Variants in UBAP2 observed in about 807,000 individuals in gnomAD.
UBAP2 encodes ubiquitin associated protein 2.
A neutral mutation model predicts 139.6 loss-of-function variants in UBAP2; 75 were observed. The observed-to-expected ratio is 0.54, with a 90% CI of 0.45 to 0.65. The LOEUF is 0.65. UBAP2 is among the 30% of genes least tolerant of loss of function. The pLI, the probability that UBAP2 is intolerant of heterozygous loss-of-function variation, is 0.00. For missense variants in UBAP2, 1,368 were observed against 1,369.6 expected, an observed-to-expected ratio of 1.00 and a Z score of 0.02; for synonymous variants, 526 against 526.2, an observed-to-expected ratio of 1.00 and a Z score of 0.01.
At chr9:34,040,379 C>A (rs1221860525) in intron 1 of UBAP2, among the ~76,000 whole-genome samples, 1 of 146,650 alleles carries the variant, frequency 6.8e-6, no homozygotes, top group Non-Finnish European at 1.5e-5. Flanking sequence ...GGCCAGCCAA[C>A]TAGAAGACTA....
chr9:33,992,002 C>T (rs1430146403), intron 4 of UBAP2, among the ~76,000 whole-genome samples: 2 of 152,110 alleles, frequency 1.3e-5, no homozygotes, highest in Admixed American at 1.3e-4. Context: ...ACCTGTAATC[C>T]CAGCACTTTG....
chr9:33,996,403 A>C, intron 3 of UBAP2, 70 bp from the exon 4 acceptor site: 1 of 987,104 alleles, frequency 1.0e-6, no homozygotes, highest in Non-Finnish European at 1.6e-6. Context: ...ATTCTTCTAT[A>C]CAAATACAGA....
At chr9:33,935,555 C>T (rs1002081745) in intron 17 of UBAP2, 1 of 433,548 alleles carries the variant, frequency 2.3e-6, no homozygotes, top group African/African-American at 2.1e-5. Flanking sequence ...GCATCAGCCA[C>T]CCCGCCTGGC....
Position 33,944,488 on chromosome 9 carries a change from G to C in UBAP2, c.1422C>G (p.Pro474=). 1 of 1,614,112 alleles carries C rather than the reference G, an allele frequency of 6.2e-7. No individual in the cohort carries two copies. The highest frequency in any genetic ancestry group is 8.5e-7 in the Non-Finnish European group (1 of 1,180,042). Residue 474 remains proline (P), a synonymous_variant, in exon 14 of 29, where the codon CCC becomes CCG. Transcript: ENST00000379238. ...KLRESTPGDS[P]STVNKLLQLP... ...GCTGCAAAAGCTTGTTCACAGTGGAGGGACTGTCTCCAGGTGTTGATTCTC... is the reference window on the plus strand; with the variant it reads ...GCTGCAAAAGCTTGTTCACAGTGGACGGACTGTCTCCAGGTGTTGATTCTC...
intron 19 of UBAP2, among the ~76,000 whole-genome samples, chr9:33,931,085 A>G (rs749061538): frequency 6.6e-6 from 1 of 152,202 alleles, no homozygotes; most frequent in Admixed American, 6.5e-5. Context: ...ATGAACAAAC[A>G]GTTGACCCCT....
chr9:33,943,838 AG>A (rs1825438408), intron 14 of UBAP2, among the ~76,000 whole-genome samples: 1 of 152,164 alleles, frequency 6.6e-6, no homozygotes, highest in Admixed American at 6.6e-5. Flanking sequence ...AGGCCAAGAC[AG>A]GAGGATCATT....
chr9:34,048,615 C>T (rs1435749649), intron 1 of UBAP2, among the ~76,000 whole-genome samples: 3 of 151,986 alleles, frequency 2.0e-5, no homozygotes, highest in African/African-American at 4.8e-5. Context: ...CACAGGGCAA[C>T]GTGAGGGGAA....
chr9:33,932,816 G>A (rs1360046900), intron 18 of UBAP2, among the ~76,000 whole-genome samples, 188 bp from the exon 19 acceptor site: 2 of 152,188 alleles, frequency 1.3e-5, no homozygotes, highest in African/African-American at 2.4e-5. Context: ...GGAATGACTC[G>A]CCATGAGGTC....
chr9:33,972,849 G>T (rs958759770), intron 7 of UBAP2, among the ~76,000 whole-genome samples: 6 of 152,080 alleles, frequency 3.9e-5, no homozygotes, highest in Non-Finnish European at 5.9e-5. Flanking sequence ...TAGGTATTTT[G>T]TCACAACTTC....
chr9:33,985,340 G>A (rs1365737349), intron 6 of UBAP2, among the ~76,000 whole-genome samples: 3 of 152,126 alleles, frequency 2.0e-5, no homozygotes, highest in South Asian at 4.1e-4. Context: ...TATGTGTTGG[G>A]AACTTTTCAA....
intron 22 of UBAP2, 83 bp downstream of exon 22, chr9:33,926,534 G>C: frequency 6.8e-7 from 1 of 1,477,644 alleles, no homozygotes; most frequent in Non-Finnish European, 9.5e-7. Flanking sequence ...AAGGGCCAGA[G>C]AGTGTGGCAG....
At chr9:33,940,275 G>C (rs1447649459) in intron 16 of UBAP2, among the ~76,000 whole-genome samples, 1 of 152,036 alleles carries the variant, frequency 6.6e-6, no homozygotes, top group Non-Finnish European at 1.5e-5. Flanking sequence ...CAAGTAAGAT[G>C]CTGCAAATGT....
chr9:33,973,518 T>G (rs922443795), intron 6 of UBAP2, among the ~76,000 whole-genome samples: 1 of 152,230 alleles, frequency 6.6e-6, no homozygotes, highest in African/African-American at 2.4e-5. Flanking sequence ...ACAGTCTGCA[T>G]CTTTTAAAAT....
chr9:33,954,460 TA>T (rs1826383165), intron 11 of UBAP2, among the ~76,000 whole-genome samples: 1 of 152,146 alleles, frequency 6.6e-6, no homozygotes, highest in Admixed American at 6.5e-5. Context: ...AACTCTTTTC[TA>T]AACTTACCTA....
intron 1 of UBAP2, among the ~76,000 whole-genome samples, chr9:34,036,765 T>A (rs139578711): frequency 6.6e-6 from 1 of 152,014 alleles, no homozygotes; most frequent in East Asian, 1.9e-4. Context: ...AAACTTAGCA[T>A]TCACAGAAAT....
chr9:33,966,542 T>C (rs569207291), intron 8 of UBAP2, among the ~76,000 whole-genome samples: 2 of 152,306 alleles, frequency 1.3e-5, no homozygotes, highest in East Asian at 1.9e-4. Flanking sequence ...ATCGATCAAT[T>C]TGGAGAGAAA....
At chr9:34,033,281 T>A (rs4534199) in intron 1 of UBAP2, among the ~76,000 whole-genome samples, 21,255 of 152,080 alleles carry the variant, frequency 0.14, 1,671 homozygotes, top group South Asian at 0.33. Context: ...TACTTAGCCA[T>A]AAAAAAGAAT....
chr9:33,946,450 T>G (rs1825661004), intron 13 of UBAP2, among the ~76,000 whole-genome samples: 1 of 152,242 alleles, frequency 6.6e-6, no homozygotes. Flanking sequence ...AGATCCAACT[T>G]CATTTTTCAA....
intron 1 of UBAP2, among the ~76,000 whole-genome samples, chr9:34,030,329 G>C (rs1383956753): frequency 1.3e-5 from 2 of 151,010 alleles, no homozygotes; most frequent in African/African-American, 4.9e-5. Flanking sequence ...GGCACCTGTA[G>C]TCCCAGCTAC....
Sources: allele counts gnomAD v4.1 joint callset (sites outside exome capture counted in the v4.1 genomes callset), GRCh38; gene constraint gnomAD v4.1.1; transcripts MANE v1.5; gene names NCBI Gene and HGNC (gene_info 2026-07-23, HGNC 2026-07-21).